ROBO1: variants seen among roughly 807,000 people sequenced by gnomAD.
ROBO1 encodes roundabout guidance receptor 1.
ROBO1 carries 149 observed loss-of-function variants against 195.9 expected under a neutral mutation model. The ratio of observed to expected loss-of-function variants is 0.76; its 90% CI spans 0.67 to 0.87. ROBO1 has a LOEUF of 0.87. Among genes scored for constraint, ROBO1 ranks in the 40% least tolerant of loss-of-function variants. ROBO1 has a pLI of 0.00. For missense variants in ROBO1, 1,933 were observed against 2,068.3 expected (o/e 0.93, Z 1.27); for synonymous variants, 816 against 733.2 (o/e 1.11, Z -1.82).
chr3:78,722,522 T>C (rs1393608458), intron 5 of ROBO1, among the ~76,000 whole-genome samples: 1 of 152,116 alleles, frequency 6.6e-6, no homozygotes, highest in Non-Finnish European at 1.5e-5. Context: ...TTGCAAAACA[T>C]TTTTAGTGAG....
intron 4 of ROBO1, among the ~76,000 whole-genome samples, chr3:78,916,740 G>C (rs1233782864): frequency 6.6e-6 from 1 of 152,036 alleles, no homozygotes; most frequent in Non-Finnish European, 1.5e-5. Flanking sequence ...TCTTTAGTCT[G>C]GTTAAATAAT....
intron 1 of ROBO1, among the ~76,000 whole-genome samples, chr3:79,602,277 T>A (rs952068025): frequency 1.3e-5 from 2 of 151,922 alleles, no homozygotes; most frequent in Non-Finnish European, 2.9e-5. Context: ...CAAAAGTAAT[T>A]TTCATATGTC....
chr3:78,803,094 T>TA (rs2084418426), intron 4 of ROBO1, among the ~76,000 whole-genome samples: 2 of 152,162 alleles, frequency 1.3e-5, no homozygotes, highest in Non-Finnish European at 1.5e-5. Context: ...CCATTGTAGA[T>TA]AAAACATGGG....
At chr3:78,795,055 G>A (rs1351424098) in intron 4 of ROBO1, among the ~76,000 whole-genome samples, 2 of 152,092 alleles carry the variant, frequency 1.3e-5, no homozygotes, top group Non-Finnish European at 2.9e-5. Flanking sequence ...ATTATGTCAT[G>A]TGTTCAAGTT....
At chr3:79,378,024 C>G (rs2036443765) in intron 2 of ROBO1, among the ~76,000 whole-genome samples, 1 of 152,138 alleles carries the variant, frequency 6.6e-6, no homozygotes, top group African/African-American at 2.4e-5. Flanking sequence ...CTGCCAACCT[C>G]TGCCCCCACC....
chr3:78,685,244 A>T (rs1290200586), intron 10 of ROBO1, among the ~76,000 whole-genome samples: 6 of 151,568 alleles, frequency 4.0e-5, no homozygotes, highest in Admixed American at 4.0e-4. Flanking sequence ...CAGTTTGGAG[A>T]TTTTGTTCAG....
chr3:78,647,570 AT>A, intron 20 of ROBO1, 58 bp downstream of exon 20: 1 of 1,481,066 alleles, frequency 6.8e-7, no homozygotes, highest in South Asian at 1.1e-5. Flanking sequence ...CAGAAACACA[AT>A]AGTGGAACAC....
intron 1 of ROBO1, among the ~76,000 whole-genome samples, chr3:79,596,673 C>T (rs539603796): frequency 2.6e-5 from 4 of 152,056 alleles, no homozygotes; most frequent in African/African-American, 9.6e-5. Context: ...CTTTAAGTAA[C>T]TCGTCTGCAA....
At chr3:78,993,035 C>A (rs1559567816) in intron 3 of ROBO1, among the ~76,000 whole-genome samples, 1 of 152,032 alleles carries the variant, frequency 6.6e-6, no homozygotes, top group African/African-American at 2.4e-5. Flanking sequence ...CAACACTGAG[C>A]CAGACTTTCT....
chr3:79,418,177 T>A lies in ROBO1; in HGVS notation c.88+171647A>T, dbSNP rs535040389. On this transcript the variant is annotated intron_variant, in intron 2 of 30. Coordinates refer to ENST00000464233, the MANE Select transcript of ROBO1 (RefSeq NM_002941.4). ...TTTACTTTCTCTAAGAAGCTCTGTA[T>A]TTATCTCTGGTACCTGCACTGGCAC... Among the ~76,000 whole-genome samples the A allele has an allele frequency of 8.6e-4, 131 of 152,308 alleles. 1 individual carries two copies. The highest frequency in any genetic ancestry group is 6.8e-3 in the Middle Eastern group (2 of 294).
chr3:78,729,051 T>C (rs1398879323), intron 5 of ROBO1, among the ~76,000 whole-genome samples: 1 of 152,252 alleles, frequency 6.6e-6, no homozygotes, highest in Non-Finnish European at 1.5e-5. Context: ...CTTGGTGAGC[T>C]GCCAGCTGAG....
chr3:79,231,380 A>G (rs1418166321), intron 2 of ROBO1, among the ~76,000 whole-genome samples: 1 of 152,184 alleles, frequency 6.6e-6, no homozygotes, highest in Non-Finnish European at 1.5e-5. Context: ...GAAAAAACCA[A>G]CTACGTTAAA....
At chr3:78,699,642 T>C (rs148720917) in intron 8 of ROBO1, among the ~76,000 whole-genome samples, 124 of 151,736 alleles carry the variant, frequency 8.2e-4, no homozygotes, top group African/African-American at 2.7e-3. Flanking sequence ...TTTTGTTTTT[T>C]GCTTAAAATC....
Position 78,998,988 on chromosome 3 carries a change from C to G in ROBO1, c.173-60061G>C, listed in dbSNP as rs1264037831. ...AAAAATGCTCCACTTCACTAATATT[C>G]AGAGAAATGCAAATCAAAACTACAA... On this transcript the variant is annotated intron_variant, in intron 3 of 30. Transcript: ENST00000464233. Among the ~76,000 whole-genome samples, 3 of 151,986 alleles carry G rather than the reference C, an allele frequency of 2.0e-5. No individual in the cohort carries two copies. The East Asian group carries it at 5.8e-4, about 29-fold the overall frequency.
chr3:79,413,563 T>C (rs2037870653), intron 2 of ROBO1, among the ~76,000 whole-genome samples: 2 of 152,096 alleles, frequency 1.3e-5, no homozygotes, highest in Non-Finnish European at 1.5e-5. Flanking sequence ...GATTGCTAGA[T>C]GTTTCGATTT....
At chr3:78,854,311 A>T (rs1460338984) in intron 4 of ROBO1, among the ~76,000 whole-genome samples, 1 of 147,856 alleles carries the variant, frequency 6.8e-6, no homozygotes, top group Non-Finnish European at 1.5e-5. Flanking sequence ...TATAAATATA[A>T]TTTTTATTAG....
At chr3:78,836,381 G>A (rs9861264) in intron 4 of ROBO1, among the ~76,000 whole-genome samples, 41,988 of 151,236 alleles carry the variant, frequency 0.28, 7,247 homozygotes, top group South Asian at 0.45. Context: ...GTGTGGTGGC[G>A]GGTGCCTGTA....
At chr3:79,479,197 C>A (rs532098912) in intron 2 of ROBO1, among the ~76,000 whole-genome samples, 1 of 152,146 alleles carries the variant, frequency 6.6e-6, no homozygotes, top group African/African-American at 2.4e-5. Flanking sequence ...TGGTCCCCAA[C>A]CTTTTTGGCA....
chr3:78,776,363 T>C (rs2083506280), intron 4 of ROBO1, among the ~76,000 whole-genome samples: 1 of 152,216 alleles, frequency 6.6e-6, no homozygotes. Context: ...GTGATTCTCC[T>C]GCCTTAGCCT....
Sources: allele counts gnomAD v4.1 joint callset (sites outside exome capture counted in the v4.1 genomes callset), GRCh38; gene constraint gnomAD v4.1.1; transcripts MANE v1.5; gene names NCBI Gene and HGNC (gene_info 2026-07-23, HGNC 2026-07-21).